SKI: variants seen among roughly 807,000 people sequenced by gnomAD.
The protein encoded by SKI is SKI proto-oncogene, also known as ski oncogene.
A neutral mutation model predicts 59.3 loss-of-function variants in SKI; 23 were observed. The ratio of observed to expected loss-of-function variants is 0.39; its 90% CI spans 0.28 to 0.55. SKI has a LOEUF of 0.55. SKI is among the 20% of genes least tolerant of loss of function. The pLI is 0.67. For synonymous variants in SKI, 673 were observed against 488.6 expected, an observed-to-expected ratio of 1.38 and a Z score of -4.98; for missense variants, 1,017 against 1,038.9, an observed-to-expected ratio of 0.98 and a Z score of 0.29.
Position 2,303,700 on chromosome 1 carries a change from G to A in SKI, c.1212-140G>A, listed in dbSNP as rs1448120098. The A allele has an allele frequency of 1.7e-6, 2 of 1,204,666 alleles. No homozygotes were observed. The highest frequency in any genetic ancestry group is 2.1e-5 in the Admixed American group (1 of 48,196). The allele number at this position is 1,204,666 out of a possible 1,614,324, so 74.6% of individuals were successfully genotyped here. ...GCAGAAAACGCTTACGGGTTCTTAGGGAACTGTAAGCTTGACTTGAAGATT... is the reference window on the plus strand; with the variant it reads ...GCAGAAAACGCTTACGGGTTCTTAGAGAACTGTAAGCTTGACTTGAAGATT... On this transcript the variant is annotated intron_variant, in intron 3 of 6. Coordinates refer to ENST00000378536, the MANE Select transcript of SKI (RefSeq NM_003036.4). The surrounding 1 kb of genome is among the most constrained non-coding windows in gnomAD (Gnocchi z 5.6).
chr1:2,277,297 G>T (rs1025836070), intron 1 of SKI, among the ~76,000 whole-genome samples: 2 of 152,070 alleles, frequency 1.3e-5, no homozygotes, highest in East Asian at 3.9e-4. Context: ...ATATGGTTTG[G>T]CTGTGTCCCC....
At chr1:2,271,792 C>T (rs533873771) in intron 1 of SKI, among the ~76,000 whole-genome samples, 46 of 152,248 alleles carry the variant, frequency 3.0e-4, no homozygotes, top group Non-Finnish European at 5.1e-4. Flanking sequence ...CCCAACCTCA[C>T]GTCCAGGTCT....
rs1196242200 is a variant in SKI, at chr1:2,259,964, G to A, written c.969+30229G>A. Among the ~76,000 whole-genome samples the A allele has an allele frequency of 2.6e-5, 4 of 152,320 alleles. 1 individual carries two copies. The highest frequency in any genetic ancestry group is 2.6e-4 in the Admixed American group (4 of 15,306). Reference sequence around the variant, plus strand: ...AGTTCTTGACTGTCACAAAGAAAGCGGCTGTGAACATTCGGGTACAAGTTG... The same window carrying A: ...AGTTCTTGACTGTCACAAAGAAAGCAGCTGTGAACATTCGGGTACAAGTTG... On this transcript the variant is annotated intron_variant, in intron 1 of 6. Transcript: ENST00000378536.
At chr1:2,304,212 C>T (rs138605559) in intron 4 of SKI, 81 bp from the exon 5 acceptor site, 369 of 1,560,824 alleles carry the variant, frequency 2.4e-4, no homozygotes, top group Admixed American at 4.5e-4. Flanking sequence ...TTCGCAGGTT[C>T]CTCCGGGAGC....
At chr1:2,244,118 A>G (rs908100795) in intron 1 of SKI, among the ~76,000 whole-genome samples, 4 of 151,936 alleles carry the variant, frequency 2.6e-5, no homozygotes, top group African/African-American at 9.7e-5. Context: ...GGTGCCCGCC[A>G]CCACACCCGG....
chr1:2,233,136 CAG>C (rs1428521879), intron 1 of SKI, among the ~76,000 whole-genome samples: 3 of 152,190 alleles, frequency 2.0e-5, no homozygotes, highest in South Asian at 2.1e-4. Context: ...AGGCTGATAA[CAG>C]GGTGGTGCCG....
At chr1:2,256,171 T>C (rs1639270515) in intron 1 of SKI, among the ~76,000 whole-genome samples, 2 of 152,012 alleles carry the variant, frequency 1.3e-5, no homozygotes, top group South Asian at 4.2e-4. Flanking sequence ...TCATTTCTTA[T>C]CTGTGCCACT....
At position 2,306,636 on chromosome 1, in the gene SKI, C is replaced by T. The variant is rs1171554207; in HGVS notation, c.2058C>T (p.Ala686=). The part of the protein sequence containing the change: ...HAEADREQLR[A]DLLREREARE... ...AGGCGGACCGGGAGCAGCTGCGGGC[C>T]GACCTGCTGCGGGAGCGCGAGGCCC... Residue 686 remains alanine, a synonymous_variant, in exon 7 of 7, where the codon GCC becomes GCT. Coordinates refer to ENST00000378536, the MANE Select transcript of SKI (RefSeq NM_003036.4). The T allele has an allele frequency of 2.1e-5, 33 of 1,544,010 alleles. 1 individual carries two copies. Among genetic ancestry groups the T allele is most frequent in the Non-Finnish European group, 2.7e-5 (31 of 1,145,150 alleles).
At chr1:2,288,875 C>T (rs745761772) in intron 1 of SKI, among the ~76,000 whole-genome samples, 1 of 152,186 alleles carries the variant, frequency 6.6e-6, no homozygotes, top group Admixed American at 6.5e-5. Flanking sequence ...CCTCCCCCCG[C>T]CACGTGTGTG....
rs1445875409 is a variant in SKI at position 2,308,323 on chromosome 1, T to C, written c.*1558T>C. On this transcript the variant is annotated 3_prime_UTR_variant, in exon 7 of 7. Transcript: ENST00000378536. Reference sequence around the variant, plus strand: ...AGCCCTCGCATCTGGGTGGCGGAATTGCCTGCGGGGTTTTGCCCTTGGTTT... The same window carrying C: ...AGCCCTCGCATCTGGGTGGCGGAATCGCCTGCGGGGTTTTGCCCTTGGTTT... 2.0e-5 allele frequency: 3 copies of C among 152,182 alleles called. No individual in the cohort carries two copies. The highest frequency in any genetic ancestry group is 2.9e-5 in the Non-Finnish European group (2 of 68,050). 9.4% of individuals were successfully genotyped at this position (152,182 alleles called of 1,614,324 possible).
intron 1 of SKI, among the ~76,000 whole-genome samples, chr1:2,257,195 A>G (rs779325806): frequency 2.8e-4 from 43 of 152,244 alleles, no homozygotes; most frequent in Non-Finnish European, 4.3e-4. Context: ...TGCTGCAGAC[A>G]TTAATGATGT....
rs1639910924 is a variant in SKI, at chr1:2,282,432, AGGC to A, written c.970-20543_970-20541del. Among the ~76,000 whole-genome samples the A allele has an allele frequency of 5.4e-5, 5 of 92,502 alleles. 1 individual carries two copies. Among genetic ancestry groups the A allele is most frequent in the Admixed American group, 5.2e-4 (5 of 9,554 alleles). 60.7% of individuals were successfully genotyped at this position (92,502 alleles called of 152,430 possible). ...TCAGAGAGAGGATGCCCGAGAAGAC[AGGC>A]GGTGGCGGAGATCTTCAGAGAGAGG... On this transcript the variant is annotated intron_variant, in intron 1 of 6. Coordinates refer to ENST00000378536, the MANE Select transcript of SKI (RefSeq NM_003036.4).
At chr1:2,287,028 CGAGTG>C (rs531981782) in intron 1 of SKI, among the ~76,000 whole-genome samples, 29 of 152,256 alleles carry the variant, frequency 1.9e-4, no homozygotes, top group Admixed American at 8.5e-4. Flanking sequence ...GGAAAAGTAA[CGAGTG>C]GAGGGCGTTT....
At chr1:2,253,831 A>G (rs1639217990) in intron 1 of SKI, among the ~76,000 whole-genome samples, 2 of 152,152 alleles carry the variant, frequency 1.3e-5, no homozygotes, top group Non-Finnish European at 2.9e-5. Flanking sequence ...CCACAGTGAC[A>G]GCAGAGGGGA....
rs374118857 is a variant in SKI, at chr1:2,264,606, T to C, written c.969+34871T>C. Among the ~76,000 whole-genome samples, 3 of 152,028 alleles carry C rather than the reference T, an allele frequency of 2.0e-5. No homozygotes were observed. The East Asian group carries it at 5.8e-4, about 30-fold the overall frequency. On this transcript the variant is annotated intron_variant, in intron 1 of 6. Coordinates refer to ENST00000378536, the MANE Select transcript of SKI (RefSeq NM_003036.4). The stretch of plus-strand genomic sequence containing the variant: ...TTGTAGAGATGGGATTTCACCATGT[T>C]GGTCAGCCTGGTCTTGAACTTGGAC...
intron 1 of SKI, among the ~76,000 whole-genome samples, chr1:2,251,356 T>C (rs1000269310): frequency 7.9e-5 from 12 of 152,062 alleles, no homozygotes; most frequent in African/African-American, 2.9e-4. Context: ...TTCCTGGGCT[T>C]GAGCCATCCT....
chr1:2,260,183 G>A (rs1210232692), intron 1 of SKI, among the ~76,000 whole-genome samples: 1 of 152,194 alleles, frequency 6.6e-6, no homozygotes, highest in Non-Finnish European at 1.5e-5. Flanking sequence ...TGTGGTGGGC[G>A]GGCTTAGGCG....
intron 1 of SKI, among the ~76,000 whole-genome samples, chr1:2,286,863 G>T (rs1037651217): frequency 1.3e-5 from 2 of 152,236 alleles, no homozygotes; most frequent in African/African-American, 4.8e-5. Context: ...TGCATGTGGC[G>T]TGTGCCACCT....
chr1:2,283,136 C>T lies in SKI; in HGVS notation c.970-19842C>T, dbSNP rs76401111. ...CCCCACCCGGCCCAACCGCCTTTGTCGGGGATCCTGAGAGGCTTTGTGCGG... is the reference window on the plus strand; with the variant it reads ...CCCCACCCGGCCCAACCGCCTTTGTTGGGGATCCTGAGAGGCTTTGTGCGG... On this transcript the variant is annotated intron_variant, in intron 1 of 6. Transcript: ENST00000378536. Among the ~76,000 whole-genome samples the T allele has an allele frequency of 5.0e-3, 768 of 152,342 alleles. 5 individuals are homozygous for T. The highest frequency in any genetic ancestry group is 0.036 in the East Asian group (184 of 5,182).
Sources: allele counts gnomAD v4.1 joint callset (sites outside exome capture counted in the v4.1 genomes callset), GRCh38; gene constraint gnomAD v4.1.1; non-coding constraint Gnocchi (gnomAD v3.1); transcripts MANE v1.5; gene names NCBI Gene and HGNC (gene_info 2026-07-23, HGNC 2026-07-21).